SMIM31: variants seen among roughly 807,000 people sequenced by gnomAD.
The protein encoded by SMIM31 is small integral membrane protein 31, also known as human epithelial cell program regulator.
intron 2 of SMIM31, among the ~76,000 whole-genome samples, chr4:164,781,340 C>T (rs577081719): frequency 6.6e-6 from 1 of 152,288 alleles, no homozygotes; most frequent in Non-Finnish European, 1.5e-5. Context: ...AGAACATTTA[C>T]ACAAATGTTT....
chr4:164,754,548 G>A (rs1378648143), intron 1 of SMIM31, 137 bp downstream of exon 1: 3 of 130,358 alleles, frequency 2.3e-5, no homozygotes, highest in Non-Finnish European at 4.8e-5. Flanking sequence ...CTTTCCTGGA[G>A]GTATTTTTTT....
At chr4:164,793,974 G>A (rs1036183982) in intron 2 of SMIM31, among the ~76,000 whole-genome samples, 18 of 152,158 alleles carry the variant, frequency 1.2e-4, no homozygotes, top group Non-Finnish European at 2.2e-4. Context: ...AAAAGCATAT[G>A]CAACCAAAAG....
chr4:164,771,740 C>T (rs1460378307), intron 2 of SMIM31, among the ~76,000 whole-genome samples: 4 of 152,168 alleles, frequency 2.6e-5, no homozygotes, highest in Admixed American at 6.5e-5. Context: ...ACACAGGAGG[C>T]GGAGGTTGCA....
chr4:164,779,239 C>T (rs1304064056), intron 2 of SMIM31, among the ~76,000 whole-genome samples: 1 of 152,098 alleles, frequency 6.6e-6, no homozygotes, highest in African/African-American at 2.4e-5. Flanking sequence ...TTTTGGTCAC[C>T]GCAGCTATTT....
At position 164,759,863 on chromosome 4, in the gene SMIM31, T is replaced by A. The variant is rs145200655; in HGVS notation, c.-26+5452T>A. ...ATAAGTAAAGATTAGAAGGTAATAA[T>A]TGCTTTGCAAAAATATAACAAAGCA... On this transcript the variant is annotated intron_variant, in intron 1 of 2. Coordinates refer to ENST00000507311, the MANE Select transcript of SMIM31 (RefSeq NM_001352885.1). Among the ~76,000 whole-genome samples, 66 of 152,304 alleles carry A rather than the reference T, an allele frequency of 4.3e-4. 1 individual carries two copies. Among genetic ancestry groups the A allele is most frequent in the East Asian group, 1.7e-3 (9 of 5,188 alleles).
At chr4:164,788,483 T>C (rs1337757967) in intron 2 of SMIM31, among the ~76,000 whole-genome samples, 1 of 105,532 alleles carries the variant, frequency 9.5e-6, no homozygotes, top group Non-Finnish European at 2.0e-5. Flanking sequence ...TTTTTCTTTT[T>C]TTTTTTTTTT....
At chr4:164,765,429 G>A (rs887286566) in intron 1 of SMIM31, among the ~76,000 whole-genome samples, 28 of 152,156 alleles carry the variant, frequency 1.8e-4, no homozygotes, top group African/African-American at 6.5e-4. Context: ...GAGCGTTGTT[G>A]GCATTTCACA....
rs1314432957 is a variant in SMIM31 at position 164,772,647 on chromosome 4, C to A, written c.112+2092C>A. On this transcript the variant is annotated intron_variant, in intron 2 of 2. Transcript: ENST00000507311. ...AGGCTGGAGTGCAGTGGCGCGATCT[C>A]GACTCACTGCAAGCTCCGCCTCCCG... is the stretch of plus-strand genomic sequence containing the variant. Among the ~76,000 whole-genome samples the A allele has an allele frequency of 2.7e-5, 4 of 150,362 alleles. No homozygotes were observed. The East Asian group carries it at 5.9e-4, about 22-fold the overall frequency.
intron 2 of SMIM31, among the ~76,000 whole-genome samples, chr4:164,780,945 G>A (rs1732941423): frequency 6.6e-6 from 1 of 152,052 alleles, no homozygotes; most frequent in Admixed American, 6.6e-5. Context: ...TAGTAGCTAG[G>A]ACTAGAGGCA....
At chr4:164,763,186 A>G (rs375223688) in intron 1 of SMIM31, among the ~76,000 whole-genome samples, 2 of 152,344 alleles carry the variant, frequency 1.3e-5, no homozygotes, top group East Asian at 3.9e-4. Context: ...ATAAATGCCC[A>G]TTGCCTCAAT....
At chr4:164,798,352 G>A (rs1733236353) in intron 2 of SMIM31, among the ~76,000 whole-genome samples, 1 of 151,632 alleles carries the variant, frequency 6.6e-6, no homozygotes, top group South Asian at 2.1e-4. Flanking sequence ...TCCTGCCTCA[G>A]CCTCCTGAGT....
chr4:164,795,558 CAAAAAAAAAAA>C (rs60083689), intron 2 of SMIM31, among the ~76,000 whole-genome samples: 3 of 76,958 alleles, frequency 3.9e-5, no homozygotes, highest in Non-Finnish European at 4.4e-5. Flanking sequence ...TACTCCATCT[CAAAAAAAAAAA>C]AAAAAAAAAA....
At chr4:164,800,461 G>A (rs970132126) in intron 2 of SMIM31, among the ~76,000 whole-genome samples, 12 of 152,226 alleles carry the variant, frequency 7.9e-5, no homozygotes, top group African/African-American at 2.4e-4. Context: ...GCCCACCTCA[G>A]CCTCCCAAAG....
At chr4:164,757,758 T>G (rs1038532238) in intron 1 of SMIM31, among the ~76,000 whole-genome samples, 18 of 152,170 alleles carry the variant, frequency 1.2e-4, no homozygotes, top group Admixed American at 7.2e-4. Flanking sequence ...GAACCCTTTA[T>G]TTAGTGCTAC....
chr4:164,779,371 A>G (rs1394913387), intron 2 of SMIM31, among the ~76,000 whole-genome samples: 1 of 152,228 alleles, frequency 6.6e-6, no homozygotes, highest in Non-Finnish European at 1.5e-5. Context: ...AAATGCCAAA[A>G]TGTCTGGATC....
intron 1 of SMIM31, among the ~76,000 whole-genome samples, chr4:164,761,922 C>CAAATAAATAAAT (rs200368340): frequency 9.2e-4 from 135 of 146,684 alleles, no homozygotes; most frequent in East Asian, 3.5e-3. Flanking sequence ...GACTCCACCT[C>CAAATAAATAAAT]AAATAAATAA....
intron 2 of SMIM31, among the ~76,000 whole-genome samples, chr4:164,780,016 C>T (rs1732926732): frequency 6.6e-6 from 1 of 152,182 alleles, no homozygotes; most frequent in South Asian, 2.1e-4. Flanking sequence ...CTGTGTAAAA[C>T]TAATTTCACA....
rs1733317923 is a variant in SMIM31 at position 164,803,708 on chromosome 4, T to A, written c.*2514T>A. The A allele has an allele frequency of 6.6e-6, 1 of 152,052 alleles. No individual in the cohort carries two copies. The highest frequency in any genetic ancestry group is 1.5e-5 in the Non-Finnish European group (1 of 68,084). The allele number at this position is 152,052 out of a possible 1,614,324, so 9.4% of individuals were successfully genotyped here. On this transcript the variant is annotated 3_prime_UTR_variant, in exon 3 of 3. Coordinates refer to ENST00000507311, the MANE Select transcript of SMIM31 (RefSeq NM_001352885.1). Reference sequence around the variant, plus strand: ...TACTCAGGAGGCTGAGGCAGGAGAATCACTTGAACCTGGGAGGCGGAGGTT... The same window carrying A: ...TACTCAGGAGGCTGAGGCAGGAGAAACACTTGAACCTGGGAGGCGGAGGTT...
intron 2 of SMIM31, among the ~76,000 whole-genome samples, chr4:164,791,859 C>T (rs1283153202): frequency 6.6e-6 from 1 of 152,168 alleles, no homozygotes; most frequent in Non-Finnish European, 1.5e-5. Flanking sequence ...CCACACTCCC[C>T]ACTTCTGAGT....
Sources: allele counts gnomAD v4.1 joint callset (sites outside exome capture counted in the v4.1 genomes callset), GRCh38; gene constraint gnomAD v4.1.1; transcripts MANE v1.5; gene names NCBI Gene and HGNC (gene_info 2026-07-23, HGNC 2026-07-21).